The following AVEN variants were observed in gnomAD, a reference collection of about 807,000 sequenced individuals.
AVEN encodes cell death regulator Aven.
In AVEN, 41 loss-of-function variants were observed where a neutral mutation model predicts 38.1. The observed-to-expected ratio is 1.08, with a 90% CI of 0.84 to 1.40. The LOEUF (loss-of-function observed/expected upper bound fraction) is 1.40, where lower values mean the gene tolerates loss of function less well. Ranked by LOEUF, AVEN falls within the 40% of genes most tolerant of loss-of-function variation. AVEN has a pLI of 0.00. For synonymous variants in AVEN, 206 were observed against 171.8 expected (o/e 1.20, Z -1.56); for missense variants, 605 against 438.8 (o/e 1.38, Z -3.38).
intron 2 of AVEN, among the ~76,000 whole-genome samples, chr15:33,901,134 G>A (rs1218030681): frequency 2.0e-5 from 3 of 152,160 alleles, no homozygotes; most frequent in African/African-American, 7.2e-5. Flanking sequence ...GGGTGTGGTG[G>A]TAGGCGCCTG....
At chr15:34,025,500 A>C (rs1318407481) in intron 1 of AVEN, among the ~76,000 whole-genome samples, 2 of 152,286 alleles carry the variant, frequency 1.3e-5, no homozygotes, top group Non-Finnish European at 2.9e-5. Context: ...CCCTTCATCC[A>C]TACATCATTG....
chr15:33,975,801 A>C (rs1179558618), intron 2 of AVEN, among the ~76,000 whole-genome samples: 1 of 152,108 alleles, frequency 6.6e-6, no homozygotes, highest in Non-Finnish European at 1.5e-5. Context: ...GTGGTGGCAC[A>C]TGCCTGTAGT....
chr15:34,032,849 A>G (rs1368143636), intron 1 of AVEN, among the ~76,000 whole-genome samples: 1 of 152,230 alleles, frequency 6.6e-6, no homozygotes, highest in Non-Finnish European at 1.5e-5. Context: ...ACTCTAAAGA[A>G]CATGTAATAT....
chr15:33,967,038 G>A (rs1446094876), intron 2 of AVEN, among the ~76,000 whole-genome samples: 1 of 151,996 alleles, frequency 6.6e-6, no homozygotes, highest in African/African-American at 2.4e-5. Context: ...TATTATAGAA[G>A]TGACCAGTAT....
chr15:33,857,312 G>A (rs1377737657), downstream of AVEN, among the ~76,000 whole-genome samples: 2 of 151,976 alleles, frequency 1.3e-5, no homozygotes, highest in African/African-American at 4.8e-5. Context: ...TCTCGCTGCC[G>A]CTTCCCCTGA....
intron 2 of AVEN, among the ~76,000 whole-genome samples, chr15:33,990,120 C>T (rs550157039): frequency 3.3e-4 from 50 of 152,150 alleles, no homozygotes; most frequent in African/African-American, 1.2e-3. Flanking sequence ...AGGAGAATCA[C>T]TTGAACCTGG....
intron 5 of AVEN, among the ~76,000 whole-genome samples, 157 bp from the exon 6 acceptor site, chr15:33,866,885 G>C (rs548995629): frequency 6.6e-6 from 1 of 152,094 alleles, no homozygotes; most frequent in East Asian, 1.9e-4. Context: ...ATAAAGCTGG[G>C]TAGAGGATTT....
chr15:33,868,007 G>A, intron 4 of AVEN, 152 bp from the exon 5 acceptor site: 1 of 1,068,288 alleles, frequency 9.4e-7, no homozygotes, highest in Non-Finnish European at 1.3e-6. Context: ...CCAGGCCCTG[G>A]TGGGGGCACC....
At chr15:33,852,247 C>CG in the AVEN span, 1 of 150,730 alleles carries the variant, frequency 6.6e-6, no homozygotes, top group Non-Finnish European at 1.5e-5. Context: ...TTACAAGGAA[C>CG]CCCCCCACAG....
chr15:33,878,493 A>G (rs1891345801), intron 2 of AVEN, among the ~76,000 whole-genome samples: 1 of 152,220 alleles, frequency 6.6e-6, no homozygotes, highest in African/African-American at 2.4e-5. Flanking sequence ...GATGTAAAAC[A>G]TATTTTGTAT....
chr15:34,002,433 T>C (rs1897172631), intron 2 of AVEN, among the ~76,000 whole-genome samples: 1 of 150,724 alleles, frequency 6.6e-6, no homozygotes, highest in Admixed American at 6.6e-5. Flanking sequence ...CACCCAGCAC[T>C]CCTCCATTCT....
At chr15:33,885,205 A>G (rs1891654621) in intron 2 of AVEN, among the ~76,000 whole-genome samples, 1 of 152,176 alleles carries the variant, frequency 6.6e-6, no homozygotes, top group Admixed American at 6.5e-5. Context: ...GAGAATGTCC[A>G]ATAGTCACCG....
intron 2 of AVEN, among the ~76,000 whole-genome samples, chr15:33,932,858 T>TA (rs528848450): frequency 3.7e-4 from 56 of 151,644 alleles, no homozygotes; most frequent in African/African-American, 1.2e-3. Flanking sequence ...AATAAATAAA[T>TA]AAATAAAAAT....
At chr15:33,868,240 G>C (rs1890777041) in intron 4 of AVEN, among the ~76,000 whole-genome samples, 1 of 152,100 alleles carries the variant, frequency 6.6e-6, no homozygotes, top group African/African-American at 2.4e-5. Context: ...TCACCAAGAA[G>C]TGGCCAGGCG....
At chr15:33,904,602 G>A (rs993025764) in intron 2 of AVEN, among the ~76,000 whole-genome samples, 29 of 150,840 alleles carry the variant, frequency 1.9e-4, no homozygotes, top group Non-Finnish European at 2.4e-4. Flanking sequence ...TAGTAGAGAC[G>A]GAGTTTCACC....
chr15:33,951,258 T>C lies in AVEN; in HGVS notation c.445+51774A>G, dbSNP rs1894733528. On this transcript the variant is annotated intron_variant, in intron 2 of 5. Transcript: ENST00000306730. ...TATTTTTTAGTCTCTCAGGTACGCT[T>C]CCTTCAAAACATTCCTCACAGTATT... Among the ~76,000 whole-genome samples the C allele has an allele frequency of 1.3e-5, 2 of 152,186 alleles. 1 individual carries two copies. The highest frequency in any genetic ancestry group is 4.8e-5 in the African/African-American group (2 of 41,442).
rs1040684631 is a variant in AVEN, at chr15:33,935,709, G to A, written c.446-59714C>T. ...TGAATTGTTTAAGTGGTAACCTAGC[G>A]GAAAGTAGAGATTGAGGCAGCCTAT... On this transcript the variant is annotated intron_variant, in intron 2 of 5. Transcript: ENST00000306730. 6.6e-5 allele frequency among the ~76,000 whole-genome samples: 10 copies of A among 152,194 alleles called. No individual in the cohort carries two copies. The South Asian group carries it at 8.3e-4, about 13-fold the overall frequency.
intron 5 of AVEN, among the ~76,000 whole-genome samples, chr15:34,054,280 A>G (rs955445416): frequency 4.6e-5 from 7 of 152,226 alleles, no homozygotes; most frequent in Admixed American, 2.0e-4. Flanking sequence ...CAATTCCTCA[A>G]AGTCCTAGAG....
chr15:34,066,363 G>A (rs1597397622), intron 3 of AVEN: 1 of 152,232 alleles, frequency 6.6e-6, no homozygotes, highest in East Asian at 1.9e-4. Flanking sequence ...AGCCCATGTT[G>A]GGCATTCACC....
Sources: gnomAD v4.1 joint callset for allele counts (sites outside exome capture counted in the v4.1 genomes callset) on GRCh38, gnomAD v4.1.1 for gene constraint, MANE v1.5 for transcripts, NCBI Gene and HGNC (gene_info 2026-07-23, HGNC 2026-07-21) for gene names.